NAALADL2: variants seen among roughly 807,000 people sequenced by gnomAD.
NAALADL2 encodes N-acetylated alpha-linked acidic dipeptidase like 2.
A neutral mutation model predicts 87.2 loss-of-function variants in NAALADL2; 76 were observed. The observed-to-expected ratio is 0.87, with a 90% CI of 0.72 to 1.05. The LOEUF (loss-of-function observed/expected upper bound fraction) is 1.05. NAALADL2 is among the 50% of genes least tolerant of loss of function. The pLI is 0.00. For missense variants in NAALADL2, 1,089 were observed against 945.8 expected, an observed-to-expected ratio of 1.15 and a Z score of -1.99; for synonymous variants, 354 against 331.0, an observed-to-expected ratio of 1.07 and a Z score of -0.75.
rs1560101928 is a variant in NAALADL2, at chr3:175,158,365, A to C, written c.545+61074A>C. Among the ~76,000 whole-genome samples, 5 of 152,106 alleles carry C rather than the reference A, an allele frequency of 3.3e-5. No homozygotes were observed. The South Asian group carries it at 8.3e-4, about 25-fold the overall frequency. On this transcript the variant is annotated intron_variant, in intron 2 of 13. Coordinates refer to ENST00000454872, the MANE Select transcript of NAALADL2 (RefSeq NM_207015.3). Reference sequence around the variant, plus strand: ...GTTTATAATATGCCATTTAGCACGAATGTTACACTATTTTGAATTGGTAGC... The same window carrying C: ...GTTTATAATATGCCATTTAGCACGACTGTTACACTATTTTGAATTGGTAGC...
At position 175,784,046 on chromosome 3, in the gene NAALADL2, A is replaced by G. The variant is rs1751543869; in HGVS notation, c.2190-18959A>G. 4.7e-5 allele frequency among the ~76,000 whole-genome samples: 7 copies of G among 148,124 alleles called. No individual in the cohort carries two copies. In the South Asian group the frequency reaches 1.5e-3, roughly 32 times the overall value. The stretch of plus-strand genomic sequence containing the variant: ...ATTGAACCAGCCTTGCATCCCAGGG[A>G]TGAAGCCCACTTGATCATGGTGGAT... On this transcript the variant is annotated intron_variant, in intron 13 of 13. Coordinates refer to ENST00000454872, the MANE Select transcript of NAALADL2 (RefSeq NM_207015.3).
At chr3:174,530,968 T>G (rs1358659062) in intron 1 of NAALADL2, among the ~76,000 whole-genome samples, 2 of 152,234 alleles carry the variant, frequency 1.3e-5, no homozygotes, top group Non-Finnish European at 2.9e-5. Flanking sequence ...ACAAATTTGT[T>G]GAAGCAATTT....
At chr3:175,552,157 A>G (rs1445116958) in intron 9 of NAALADL2, among the ~76,000 whole-genome samples, 3 of 98,906 alleles carry the variant, frequency 3.0e-5, no homozygotes, top group African/African-American at 8.6e-5. Context: ...ATAACTATTT[A>G]TAACCAAATG....
chr3:174,980,368 T>C (rs1203176906), intron 1 of NAALADL2, among the ~76,000 whole-genome samples: 1 of 152,144 alleles, frequency 6.6e-6, no homozygotes, highest in African/African-American at 2.4e-5. Context: ...GGTGGAGTGG[T>C]ATGCCCCTAT....
intron 10 of NAALADL2, among the ~76,000 whole-genome samples, chr3:175,623,461 T>C (rs1462264158): frequency 6.6e-6 from 1 of 152,082 alleles, no homozygotes; most frequent in East Asian, 1.9e-4. Flanking sequence ...ATGGGGATTA[T>C]AGTGTGATAG....
At chr3:174,890,731 G>A (rs1364716777) in intron 1 of NAALADL2, among the ~76,000 whole-genome samples, 3 of 152,108 alleles carry the variant, frequency 2.0e-5, no homozygotes, top group African/African-American at 7.2e-5. Flanking sequence ...ATATCAGATA[G>A]TGTTTGTTTA....
intron 13 of NAALADL2, chr3:175,776,301 C>T (rs1049795311): frequency 2.0e-5 from 3 of 152,198 alleles, no homozygotes; most frequent in Admixed American, 2.0e-4. Context: ...GTCTTTCATC[C>T]TGTGTCGCTC....
At chr3:175,087,577 G>C (rs1006673324) in intron 1 of NAALADL2, among the ~76,000 whole-genome samples, 1 of 152,154 alleles carries the variant, frequency 6.6e-6, no homozygotes, top group African/African-American at 2.4e-5. Context: ...AAATTCTTCT[G>C]CCTTGGGATG....
rs139184641 is a variant in NAALADL2, at chr3:175,639,017, C to A, written c.1896+11631C>A. On this transcript the variant is annotated intron_variant, in intron 11 of 13. Transcript: ENST00000454872. ...TATGTCCCAACATGCCTAACAGTGA[C>A]TTTCACTGATCAGTCATATTAATGA... 4.7e-3 allele frequency among the ~76,000 whole-genome samples: 721 copies of A among 152,276 alleles called. 7 individuals carry two copies. Among genetic ancestry groups the A allele is most frequent in the African/African-American group, 0.017 (691 of 41,558 alleles).
chr3:175,274,753 T>C (rs189509517), intron 4 of NAALADL2, among the ~76,000 whole-genome samples: 18 of 152,310 alleles, frequency 1.2e-4, no homozygotes, highest in African/African-American at 4.1e-4. Context: ...AGTTAGTGAA[T>C]TGAAGGTGAG....
intron 1 of NAALADL2, among the ~76,000 whole-genome samples, chr3:174,945,973 G>C (rs1456194223): frequency 2.0e-5 from 3 of 147,376 alleles, no homozygotes; most frequent in African/African-American, 7.6e-5. Context: ...TTGAACCCAG[G>C]AGGTGGAGGT....
At position 175,406,152 on chromosome 3, in the gene NAALADL2, G is replaced by T. The variant is rs111263564; in HGVS notation, c.1091-41077G>T. Among the ~76,000 whole-genome samples the T allele has an allele frequency of 4.2e-3, 643 of 152,304 alleles. 8 individuals carry two copies. The highest frequency in any genetic ancestry group is 0.015 in the African/African-American group (605 of 41,562). On this transcript the variant is annotated intron_variant, in intron 5 of 13. Transcript: ENST00000454872. Reference sequence around the variant, plus strand: ...AGGAAGAAAGTAAACCAAGGTAATAGCTGCAAAATGACAATGGAGTGAATG... The same window carrying T: ...AGGAAGAAAGTAAACCAAGGTAATATCTGCAAAATGACAATGGAGTGAATG...
At chr3:174,840,805 C>T (rs1475244546) in intron 3 of NAALADL2, among the ~76,000 whole-genome samples, 1 of 152,062 alleles carries the variant, frequency 6.6e-6, no homozygotes, top group Non-Finnish European at 1.5e-5. Flanking sequence ...CAGCCATTCA[C>T]TTTACAGAAA....
At chr3:174,866,274 A>G (rs1268690192) in intron 1 of NAALADL2, among the ~76,000 whole-genome samples, 1 of 151,828 alleles carries the variant, frequency 6.6e-6, no homozygotes, top group African/African-American at 2.4e-5. Context: ...AGAGAGAAGG[A>G]AAATACTATT....
intron 3 of NAALADL2, among the ~76,000 whole-genome samples, chr3:174,786,246 C>T (rs894808576): frequency 9.2e-5 from 14 of 151,948 alleles, no homozygotes; most frequent in South Asian, 2.1e-4. Context: ...GTCAGGTGAT[C>T]GAGACCATCC....
At chr3:175,786,564 C>T (rs2150237583) in intron 13 of NAALADL2, among the ~76,000 whole-genome samples, 1 of 152,232 alleles carries the variant, frequency 6.6e-6, no homozygotes, top group South Asian at 2.1e-4. Flanking sequence ...CTCCTTTAAG[C>T]ACTTCTCTGT....
chr3:175,185,416 A>G (rs1434108847), intron 2 of NAALADL2, among the ~76,000 whole-genome samples: 2 of 152,084 alleles, frequency 1.3e-5, no homozygotes, highest in Admixed American at 6.6e-5. Context: ...TATCCACACA[A>G]TGATGAAGAA....
chr3:174,639,586 C>T (rs143254181), intron 2 of NAALADL2, among the ~76,000 whole-genome samples: 2 of 152,206 alleles, frequency 1.3e-5, no homozygotes, highest in African/African-American at 4.8e-5. Flanking sequence ...TCAGCACACA[C>T]CACTGGACTT....
intron 2 of NAALADL2, among the ~76,000 whole-genome samples, chr3:175,125,019 C>A (rs1034567220): frequency 2.0e-5 from 3 of 151,632 alleles, no homozygotes; most frequent in Non-Finnish European, 4.4e-5. Flanking sequence ...AGAAGTAGAT[C>A]GTATAGAGTA....
Sources: gnomAD v4.1 joint callset for allele counts (sites outside exome capture counted in the v4.1 genomes callset) on GRCh38, gnomAD v4.1.1 for gene constraint, MANE v1.5 for transcripts, NCBI Gene and HGNC (gene_info 2026-07-23, HGNC 2026-07-21) for gene names.